PTPRD: variants seen among roughly 807,000 people sequenced by gnomAD.
PTPRD encodes receptor-type tyrosine-protein phosphatase delta.
Under a neutral mutation model 214.5 loss-of-function variants are expected in PTPRD, and 34 were observed. That is an observed-to-expected ratio of 0.16 (90% CI 0.12 to 0.21). The LOEUF is 0.21. Among genes scored for constraint, PTPRD ranks in the 10% least tolerant of loss-of-function variants. The probability of loss-of-function intolerance (pLI) is 1.00; values close to 1 mark genes in which losing one functional copy is unlikely to be tolerated. For missense variants in PTPRD, 2,545 were observed against 2,398.7 expected, an observed-to-expected ratio of 1.06 and a Z score of -1.27; for synonymous variants, 1,128 against 845.7, an observed-to-expected ratio of 1.33 and a Z score of -5.79.
chr9:9,537,098 G>C (rs1460722582), intron 8 of PTPRD, among the ~76,000 whole-genome samples: 1 of 151,808 alleles, frequency 6.6e-6, no homozygotes, highest in South Asian at 2.1e-4. Context: ...CAGCATATAA[G>C]GCAGTAAAGG....
At position 10,464,486 on chromosome 9, in the gene PTPRD, G is replaced by GGAAGATGAAGATGAAGAT. The variant is rs148091582; in HGVS notation, c.-599-123487_-599-123470dup. ...AGAAAGGGAGGAAGGGAGAAAGACA[G>GGAAGATGAAGATGAAGAT]GAAGATGAAGATGAAGATGAAGATG... On this transcript the variant is annotated intron_variant, in intron 2 of 45. Transcript: ENST00000381196. Among the ~76,000 whole-genome samples the GGAAGATGAAGATGAAGAT allele has an allele frequency of 2.8e-3, 414 of 150,488 alleles. 2 individuals carry two copies. The highest frequency in any genetic ancestry group is 0.014 in the Middle Eastern group (4 of 288).
rs373572070 is a variant in PTPRD, at chr9:9,528,761, T to G, written c.-237+45971A>C. ...CAGATAAAAAGAAAGAAAGGAGGCT[T>G]CTCACCAGAAACTATTCAAACCAGA... On this transcript the variant is annotated intron_variant, in intron 8 of 45. Transcript: ENST00000381196. Among the ~76,000 whole-genome samples the G allele has an allele frequency of 2.5e-4, 38 of 151,642 alleles. No homozygotes were observed. In the South Asian group the frequency reaches 5.8e-3, roughly 23 times the overall value.
chr9:8,618,226 G>A (rs55813399), intron 14 of PTPRD, among the ~76,000 whole-genome samples: 1 of 151,950 alleles, frequency 6.6e-6, no homozygotes, highest in Non-Finnish European at 1.5e-5. Context: ...CGAGTTTGGG[G>A]CCATAGAAAA....
intron 3 of PTPRD, among the ~76,000 whole-genome samples, chr9:10,121,582 C>T (rs1400378468): frequency 1.3e-5 from 2 of 152,102 alleles, no homozygotes; most frequent in Non-Finnish European, 2.9e-5. Flanking sequence ...TTGATGGCAT[C>T]GTTAAGAGTT....
intron 11 of PTPRD, among the ~76,000 whole-genome samples, chr9:8,904,071 A>C (rs185870016): frequency 7.9e-4 from 120 of 152,330 alleles, no homozygotes; most frequent in African/African-American, 2.8e-3. Flanking sequence ...CAATAATGCT[A>C]CAGTGAACAC....
chr9:9,058,479 C>G, intron 10 of PTPRD, among the ~76,000 whole-genome samples: 1 of 33,498 alleles, frequency 3.0e-5, no homozygotes, highest in East Asian at 1.0e-3. Context: ...GAGACGGAGT[C>G]TCGCTGTCGC....
At chr9:9,924,017 A>C (rs1303026503) in intron 5 of PTPRD, among the ~76,000 whole-genome samples, 1 of 152,080 alleles carries the variant, frequency 6.6e-6, no homozygotes, top group Non-Finnish European at 1.5e-5. Flanking sequence ...TTGAAATTTG[A>C]AATCATCACT....
At chr9:9,193,234 A>G (rs974537077) in intron 9 of PTPRD, among the ~76,000 whole-genome samples, 4 of 152,142 alleles carry the variant, frequency 2.6e-5, no homozygotes, top group Non-Finnish European at 5.9e-5. Context: ...ATATGGAGTA[A>G]TGAATTGAGG....
chr9:9,941,647 T>C (rs1303606336), intron 4 of PTPRD, among the ~76,000 whole-genome samples: 1 of 152,180 alleles, frequency 6.6e-6, no homozygotes, highest in Non-Finnish European at 1.5e-5. Flanking sequence ...ATAATAAATT[T>C]GTCACAATGT....
chr9:8,786,900 G>A (rs2096004814), intron 11 of PTPRD, among the ~76,000 whole-genome samples: 1 of 151,956 alleles, frequency 6.6e-6, no homozygotes, highest in Non-Finnish European at 1.5e-5. Context: ...AAAGCATGGT[G>A]AGAAAACTAC....
intron 6 of PTPRD, among the ~76,000 whole-genome samples, chr9:9,764,580 T>C (rs1485437406): frequency 2.0e-5 from 3 of 152,034 alleles, no homozygotes; most frequent in South Asian, 2.1e-4. Flanking sequence ...TAAAACAAAA[T>C]CCAGCTGATT....
At chr9:10,193,438 A>G (rs2099383243) in intron 3 of PTPRD, among the ~76,000 whole-genome samples, 1 of 152,060 alleles carries the variant, frequency 6.6e-6, no homozygotes, top group South Asian at 2.1e-4. Context: ...ATTACCCATG[A>G]GAGGTCGAGA....
intron 8 of PTPRD, among the ~76,000 whole-genome samples, chr9:9,522,627 C>T (rs2097012714): frequency 1.3e-5 from 2 of 152,110 alleles, no homozygotes; most frequent in Admixed American, 1.3e-4. Context: ...AGGGAAAAAC[C>T]ATGCTCTCTG....
intron 9 of PTPRD, among the ~76,000 whole-genome samples, chr9:9,372,423 C>T (rs1485108310): frequency 2.0e-5 from 3 of 152,062 alleles, no homozygotes; most frequent in Non-Finnish European, 1.5e-5. Context: ...TTATCAGAGA[C>T]TAGGATTGCA....
intron 37 of PTPRD, among the ~76,000 whole-genome samples, chr9:8,384,686 C>G (rs7044276): frequency 0.024 from 3,611 of 152,176 alleles, 155 homozygotes; most frequent in African/African-American, 0.082. Flanking sequence ...GCCATTATAC[C>G]TGGCCAATTT....
At chr9:10,416,599 T>C (rs1250286272) in intron 2 of PTPRD, among the ~76,000 whole-genome samples, 1 of 151,816 alleles carries the variant, frequency 6.6e-6, no homozygotes, top group Non-Finnish European at 1.5e-5. Context: ...AATTGTCAAA[T>C]ATAAGTTTCC....
chr9:8,452,934 A>G (rs561042445), intron 33 of PTPRD, among the ~76,000 whole-genome samples: 1 of 152,320 alleles, frequency 6.6e-6, no homozygotes, highest in Admixed American at 6.5e-5. Context: ...AGAAACATAT[A>G]CTTATTAGAA....
intron 2 of PTPRD, among the ~76,000 whole-genome samples, chr9:10,521,679 C>A (rs1360437782): frequency 1.3e-5 from 2 of 152,112 alleles, no homozygotes. Context: ...CGACAACCAC[C>A]ACCCAGATTA....
chr9:9,970,264 C>G (rs556599124), intron 4 of PTPRD, among the ~76,000 whole-genome samples: 1 of 151,834 alleles, frequency 6.6e-6, no homozygotes, highest in Non-Finnish European at 1.5e-5. Context: ...TCCTGGCTAA[C>G]ACGGTGAAAC....
Sources: allele counts gnomAD v4.1 joint callset (sites outside exome capture counted in the v4.1 genomes callset), GRCh38; gene constraint gnomAD v4.1.1; transcripts MANE v1.5; gene names NCBI Gene and HGNC (gene_info 2026-07-23, HGNC 2026-07-21).